Variants in MSRA observed in about 807,000 individuals in gnomAD.
MSRA encodes methionine sulfoxide reductase A.
In MSRA, 54 loss-of-function variants were observed where a neutral mutation model predicts 31.3. That is an observed-to-expected ratio of 1.73 (90% CI 1.39 to 2.17). The LOEUF (loss-of-function observed/expected upper bound fraction) is 2.17. Ranked by LOEUF, MSRA falls within the 30% of genes most tolerant of loss-of-function variation. The probability of loss-of-function intolerance (pLI) is 0.00; values close to 1 mark genes in which losing one functional copy is unlikely to be tolerated. For missense variants in MSRA, 507 were observed against 300.9 expected, an observed-to-expected ratio of 1.69 and a Z score of -5.07; for synonymous variants, 169 against 116.5, an observed-to-expected ratio of 1.45 and a Z score of -2.90.
intron 5 of MSRA, among the ~76,000 whole-genome samples, chr8:10,358,712 C>T (rs1443397363): frequency 1.4e-5 from 2 of 148,044 alleles, no homozygotes; most frequent in Non-Finnish European, 3.0e-5. Context: ...CCTGCCTCAG[C>T]CTCCCAAGTA....
chr8:10,104,118 G>C (rs1799715159), intron 1 of MSRA, among the ~76,000 whole-genome samples: 1 of 152,116 alleles, frequency 6.6e-6, no homozygotes, highest in Non-Finnish European at 1.5e-5. Context: ...TTCTTCTGTG[G>C]ATGGGCGTTT....
chr8:10,273,645 A>G (rs1457041154), intron 3 of MSRA, among the ~76,000 whole-genome samples: 1 of 152,142 alleles, frequency 6.6e-6, no homozygotes, highest in Non-Finnish European at 1.5e-5. Flanking sequence ...ACTTCTTCTC[A>G]TTCTTTCTCT....
chr8:10,144,987 C>T (rs1454952255), intron 1 of MSRA, among the ~76,000 whole-genome samples: 2 of 152,104 alleles, frequency 1.3e-5, no homozygotes, highest in East Asian at 3.9e-4. Flanking sequence ...TAGGAGTCTC[C>T]TTTCCCCTCC....
intron 5 of MSRA, among the ~76,000 whole-genome samples, chr8:10,359,077 G>C (rs1272982807): frequency 1.3e-5 from 2 of 152,200 alleles, no homozygotes; most frequent in East Asian, 1.9e-4. Flanking sequence ...TGGATTGATA[G>C]TGTGAAGCAT....
intron 1 of MSRA, among the ~76,000 whole-genome samples, chr8:10,065,290 G>C (rs1254022185): frequency 6.6e-6 from 1 of 152,180 alleles, no homozygotes; most frequent in Non-Finnish European, 1.5e-5. Context: ...TGCTGGGAAA[G>C]CACCTGACAC....
chr8:10,375,764 A>G (rs1805722855), intron 5 of MSRA, among the ~76,000 whole-genome samples: 1 of 152,186 alleles, frequency 6.6e-6, no homozygotes, highest in Non-Finnish European at 1.5e-5. Flanking sequence ...GTTGAAACCA[A>G]GTGGTCGAGA....
intron 1 of MSRA, among the ~76,000 whole-genome samples, chr8:10,172,391 G>C (rs1173754361): frequency 1.3e-5 from 2 of 152,128 alleles, no homozygotes; most frequent in African/African-American, 4.8e-5. Context: ...CTTCATTCTG[G>C]CGCTGTCTCT....
At chr8:10,348,638 G>C (rs778948089) in intron 5 of MSRA, among the ~76,000 whole-genome samples, 1 of 152,100 alleles carries the variant, frequency 6.6e-6, no homozygotes, top group Admixed American at 6.6e-5. Flanking sequence ...AAAGTGCTGG[G>C]ATTACAGGTG....
intron 1 of MSRA, among the ~76,000 whole-genome samples, chr8:10,158,765 G>T (rs530267113): frequency 6.6e-6 from 1 of 152,264 alleles, no homozygotes; most frequent in East Asian, 1.9e-4. Context: ...GAATTGCTGG[G>T]TCATATGGTG....
chr8:10,079,327 G>T (rs1015930757), intron 1 of MSRA, among the ~76,000 whole-genome samples: 7 of 152,016 alleles, frequency 4.6e-5, no homozygotes, highest in African/African-American at 1.7e-4. Flanking sequence ...GCCTGGCTAA[G>T]TATTTTTTGT....
At chr8:10,197,137 A>G (rs1808064001) in intron 1 of MSRA, among the ~76,000 whole-genome samples, 1 of 152,168 alleles carries the variant, frequency 6.6e-6, no homozygotes, top group Non-Finnish European at 1.5e-5. Context: ...ATTGTCATTT[A>G]TATTCTCAAG....
intron 1 of MSRA, among the ~76,000 whole-genome samples, chr8:10,082,916 C>T (rs970602969): frequency 1.3e-5 from 2 of 152,324 alleles, no homozygotes; most frequent in Middle Eastern, 3.4e-3. Context: ...CAGCACGGTG[C>T]TAATGGATGA....
At chr8:10,166,280 T>C (rs1262368521) in intron 1 of MSRA, among the ~76,000 whole-genome samples, 1 of 152,182 alleles carries the variant, frequency 6.6e-6, no homozygotes, top group African/African-American at 2.4e-5. Context: ...AATGAAATTA[T>C]CTGTAAGGTT....
chr8:10,242,488 C>G (rs1014317210), intron 2 of MSRA, among the ~76,000 whole-genome samples: 1 of 152,118 alleles, frequency 6.6e-6, no homozygotes, highest in Non-Finnish European at 1.5e-5. Context: ...ACTTCTGATT[C>G]TTGACCCAGG....
At chr8:10,360,764 C>G (rs1164987785) in intron 5 of MSRA, among the ~76,000 whole-genome samples, 3 of 152,196 alleles carry the variant, frequency 2.0e-5, no homozygotes, top group African/African-American at 7.2e-5. Flanking sequence ...GATGTACTGT[C>G]TGGGTCAGAT....
At chr8:10,219,658 T>A (rs190315434) in intron 2 of MSRA, among the ~76,000 whole-genome samples, 1,955 of 151,738 alleles carry the variant, frequency 0.013, 44 homozygotes, top group African/African-American at 0.044. Flanking sequence ...TACAAAAAAT[T>A]AGCTGGGCGT....
At chr8:10,060,273 C>T (rs1749873527) in intron 1 of MSRA, among the ~76,000 whole-genome samples, 1 of 152,080 alleles carries the variant, frequency 6.6e-6, no homozygotes, top group Non-Finnish European at 1.5e-5. Flanking sequence ...GGATATGCAG[C>T]TGTAAAAAAG....
At chr8:10,230,788 T>C (rs1006059510) in intron 2 of MSRA, among the ~76,000 whole-genome samples, 5 of 152,124 alleles carry the variant, frequency 3.3e-5, no homozygotes, top group Non-Finnish European at 7.4e-5. Flanking sequence ...TTTGTTGTTG[T>C]TGTGGTTTTA....
chr8:10,270,241 A>G (rs1448819227), intron 3 of MSRA, among the ~76,000 whole-genome samples: 1 of 152,216 alleles, frequency 6.6e-6, no homozygotes, highest in Non-Finnish European at 1.5e-5. Context: ...GTTACAAATA[A>G]TAAAATAAAG....
Sources: allele counts gnomAD v4.1 joint callset (sites outside exome capture counted in the v4.1 genomes callset), GRCh38; gene constraint gnomAD v4.1.1; transcripts MANE v1.5; gene names NCBI Gene and HGNC (gene_info 2026-07-23, HGNC 2026-07-21).